Variants in MLXIP observed in about 807,000 individuals in gnomAD.
MLXIP encodes MLX-interacting protein.
Under a neutral mutation model 87.2 loss-of-function variants are expected in MLXIP, and 30 were observed. The observed-to-expected ratio is 0.34, with a 90% CI of 0.26 to 0.47. The LOEUF is 0.47. Among genes scored for constraint, MLXIP ranks in the 20% least tolerant of loss-of-function variants. The pLI, the probability that MLXIP is intolerant of heterozygous loss-of-function variation, is 1.00. For missense variants in MLXIP, 1,002 were observed against 1,240.1 expected (o/e 0.81, Z 2.88); for synonymous variants, 530 against 514.0 (o/e 1.03, Z -0.42).
chr12:122,127,922 C>T lies in MLXIP; in HGVS notation c.560C>T (p.Thr187Ile). Residue 187 changes from threonine to isoleucine, a missense_variant, in exon 3 of 17, where the codon ACA becomes ATA. Physicochemically the swap from Thr to Ile is moderately conservative, Grantham distance 89. This residue lies in a region of MLXIP where 127 missense variants were observed against 239.0 expected (regional missense o/e 0.53). Coordinates refer to ENST00000319080, the MANE Select transcript of MLXIP (RefSeq NM_014938.6). ...AAGAATCCTGTGTGCCACTTTGTGA[C>T]ACCCCTGGACGGCTCTGTGGACGTA... ...KRKNPVCHFV[T>I]PLDGSVDVDE... is the part of the protein sequence containing the mutation. 6.2e-7 allele frequency: 1 copy of T among 1,613,886 alleles called. No homozygotes were observed. Among genetic ancestry groups the T allele is most frequent in the Non-Finnish European group, 8.5e-7 (1 of 1,179,808 alleles).
In MLXIP at chr12:122,130,787, G is replaced by A. The variant is rs182524776; in HGVS notation, c.911-57G>A. On this transcript the variant is annotated intron_variant, in intron 6 of 16. Coordinates refer to ENST00000319080, the MANE Select transcript of MLXIP (RefSeq NM_014938.6). ...AAGTTCTGTTCCAGGCCTTTTTTAC[G>A]TTCCTGCAACATTGTCTGAGAAGAC... 9.5e-4 allele frequency: 1,206 copies of A among 1,272,432 alleles called. 1 individual carries two copies. Among genetic ancestry groups the A allele is most frequent in the Non-Finnish European group, 1.2e-3 (1,031 of 869,052 alleles). 78.8% of individuals were successfully genotyped at this position (1,272,432 alleles called of 1,614,324 possible).
At chr12:122,121,443 T>G (rs1000167048) in intron 1 of MLXIP, among the ~76,000 whole-genome samples, 13 of 151,684 alleles carry the variant, frequency 8.6e-5, no homozygotes, top group Admixed American at 7.9e-4. Flanking sequence ...AATTTTTGTA[T>G]TTTTAGTAGA....
Position 122,137,502 on chromosome 12 carries a change from C to G in MLXIP, c.2066C>G (p.Pro689Arg), listed in dbSNP as rs747511579. 11 of 1,613,860 alleles carry G rather than the reference C, an allele frequency of 6.8e-6. No individual in the cohort carries two copies. The highest frequency in any genetic ancestry group is 6.7e-5 in the East Asian group (3 of 44,896). Residue 689 changes from proline (P) to arginine (R), a missense_variant, in exon 12 of 17, where the codon CCG becomes CGG. Around this residue, in one of 3 missense-constraint regions of MLXIP, gnomAD observed 746 missense variants for 897.0 expected, o/e 0.83. Coordinates refer to ENST00000319080, the MANE Select transcript of MLXIP (RefSeq NM_014938.6). This position sits in a 1 kb window ranked among gnomAD's most constrained non-coding sequence, Gnocchi z 4.1. The part of the protein sequence containing the change: ...RDCPNSGQAS[P>R]CASEQSPSPQ... ...TGCCCAAACTCAGGGCAGGCCTCTCCGTGTGCATCGGAGCAGAGCCCCAGT... is the reference window on the plus strand; with the variant it reads ...TGCCCAAACTCAGGGCAGGCCTCTCGGTGTGCATCGGAGCAGAGCCCCAGT...
intron 1 of MLXIP, among the ~76,000 whole-genome samples, chr12:122,103,268 A>T (rs934782836): frequency 3.3e-5 from 5 of 151,900 alleles, no homozygotes; most frequent in African/African-American, 1.2e-4. Flanking sequence ...TCTTCTACCC[A>T]GGCTGGAGTG....
chr12:122,128,999 A>AGT (rs1237396493), intron 3 of MLXIP, 138 bp from the exon 4 acceptor site: 1 of 674,074 alleles, frequency 1.5e-6, no homozygotes, highest in African/African-American at 1.8e-5. Flanking sequence ...GTACTTTCTG[A>AGT]GTGATGTGGT....
Position 122,078,906 on chromosome 12 carries a change from G to T in MLXIP, c.53G>T (p.Arg18Leu), listed in dbSNP as rs1336476548. The T allele has an allele frequency of 8.7e-7, 1 of 1,144,648 alleles. No individual in the cohort carries two copies. Among genetic ancestry groups the T allele is most frequent in the Middle Eastern group, 3.6e-4 (1 of 2,772 alleles). The allele number at this position is 1,144,648 out of a possible 1,614,324, so 70.9% of individuals were successfully genotyped here. A position where few individuals can be genotyped will look rare whatever the true frequency, so the allele number is the denominator to read the frequency against. The change falls in exon 1 of 17, where the codon CGC becomes CTC. Residue 18 changes from arginine (R) to leucine (L), a missense_variant. Arg to Leu is a moderately radical substitution (Grantham distance 102, BLOSUM62 -2). Around this residue, in one of 3 missense-constraint regions of MLXIP, gnomAD observed 129 missense variants for 104.2 expected, o/e 1.24. Transcript: ENST00000319080. ...CSPRRPRSRG[R>L]QVLLKPQVSE... Reference sequence around the variant, plus strand: ...CCGCGCCGGCCTCGCAGCCGGGGCCGCCAGGTGCTGCTCAAGCCCCAGGTG... The same window carrying T: ...CCGCGCCGGCCTCGCAGCCGGGGCCTCCAGGTGCTGCTCAAGCCCCAGGTG...
At chr12:122,128,845 TC>T (rs1400028611) in intron 3 of MLXIP, 18 of 331,190 alleles carry the variant, frequency 5.4e-5, no homozygotes, top group Middle Eastern at 8.8e-4. Flanking sequence ...CCCTGCTTCT[TC>T]CTCTGTGGAG....
chr12:122,111,888 G>A (rs562534656), intron 1 of MLXIP, among the ~76,000 whole-genome samples: 3 of 152,294 alleles, frequency 2.0e-5, no homozygotes, highest in African/African-American at 7.2e-5. Context: ...CCAATTTGAA[G>A]TGGGGTGCTG....
chr12:122,131,912 CTTTTTTTTTTT>C (rs60691591), intron 7 of MLXIP, among the ~76,000 whole-genome samples: 2 of 73,992 alleles, frequency 2.7e-5, no homozygotes, highest in Non-Finnish European at 4.9e-5. Flanking sequence ...TGGTTGGCAC[CTTTTTTTTTTT>C]TTTTTTTTTT....
intron 15 of MLXIP, among the ~76,000 whole-genome samples, chr12:122,139,220 G>T (rs1054112035): frequency 6.6e-6 from 1 of 152,184 alleles, no homozygotes; most frequent in African/African-American, 2.4e-5. Context: ...GACAATGCTA[G>T]AGCCACTTGC....
In MLXIP at chr12:122,135,326, C is replaced by T. The variant is rs766603455; in HGVS notation, c.1835C>T (p.Ala612Val). 1.5e-5 allele frequency: 25 copies of T among 1,613,370 alleles called. No individual in the cohort carries two copies. Among genetic ancestry groups the T allele is most frequent in the East Asian group, 1.1e-4 (5 of 44,870 alleles). Residue 612 changes from alanine to valine, a missense_variant, in exon 10 of 17, where the codon GCG becomes GTG. By Grantham distance (64) the Ala-to-Val change is moderately conservative. Transcript: ENST00000319080. This position sits in a 1 kb window ranked among gnomAD's most constrained non-coding sequence, Gnocchi z 5.3. The stretch of plus-strand genomic sequence containing the variant: ...GTGTCCCAGTCCAACGTGGTCATTG[C>T]GCCTGCTGCCATCGCCAGGGTGAGG... ...STVSQSNVVI[A>V]PAAIARAPGV...
intron 1 of MLXIP, among the ~76,000 whole-genome samples, chr12:122,079,848 T>G (rs1250869909): frequency 6.6e-6 from 1 of 152,192 alleles, no homozygotes; most frequent in African/African-American, 2.4e-5. Flanking sequence ...CTGGCCCCCT[T>G]ACAACCTCAT....
intron 1 of MLXIP, among the ~76,000 whole-genome samples, chr12:122,079,654 G>C (rs1408504853): frequency 1.3e-5 from 2 of 152,202 alleles, no homozygotes; most frequent in African/African-American, 2.4e-5. Context: ...CCACCTGTTC[G>C]GGGTGACTGG....
chr12:122,115,588 C>CAAAAAAAAAA lies in MLXIP; in HGVS notation c.414-11660_414-11651dup, dbSNP rs35318582. The stretch of plus-strand genomic sequence containing the variant: ...GGGCAACAAGAGCGAAACTCCTTCT[C>CAAAAAAAAAA]AAAAAAAAAAAAAAAAAGACCAGTA... On this transcript the variant is annotated intron_variant, in intron 1 of 16. Coordinates refer to ENST00000319080, the MANE Select transcript of MLXIP (RefSeq NM_014938.6). Among the ~76,000 whole-genome samples the CAAAAAAAAAA allele has an allele frequency of 4.3e-3, 478 of 110,620 alleles. 56 individuals are homozygous for CAAAAAAAAAA. Among genetic ancestry groups the CAAAAAAAAAA allele is most frequent in the African/African-American group, 0.019 (457 of 23,780 alleles). The allele number at this position is 110,620 out of a possible 152,430, so 72.6% of individuals were successfully genotyped here. A position where few individuals can be genotyped will look rare whatever the true frequency, so the allele number is the denominator to read the frequency against.
At chr12:122,134,315 C>A in intron 9 of MLXIP, 1 of 355,076 alleles carries the variant, frequency 2.8e-6, no homozygotes, top group South Asian at 4.3e-5. Context: ...CTTCGTCAGC[C>A]TCCCGAGTAG....
At chr12:122,118,357 A>C (rs1952724699) in intron 1 of MLXIP, among the ~76,000 whole-genome samples, 1 of 152,238 alleles carries the variant, frequency 6.6e-6, no homozygotes, top group Admixed American at 6.5e-5. Flanking sequence ...AATGCCGTAC[A>C]TTCCAGTGTT....
chr12:122,128,758 AT>A, intron 3 of MLXIP: 1 of 184,128 alleles, frequency 5.4e-6, no homozygotes, highest in Non-Finnish European at 1.1e-5. Flanking sequence ...TTGGCTGTTC[AT>A]TTTTGCCCTT....
intron 1 of MLXIP, among the ~76,000 whole-genome samples, chr12:122,119,123 G>A (rs901585471): frequency 1.3e-5 from 2 of 151,742 alleles, no homozygotes; most frequent in Non-Finnish European, 2.9e-5. Context: ...AGCCGAGATC[G>A]CGCCACTACA....
At chr12:122,124,833 C>CGTGAGGT (rs1227495506) in intron 1 of MLXIP, among the ~76,000 whole-genome samples, 5 of 152,122 alleles carry the variant, frequency 3.3e-5, no homozygotes, top group Admixed American at 3.3e-4. Flanking sequence ...GGGTTCAAAA[C>CGTGAGGT]CAGCCTGACG....
Sources: gnomAD v4.1 joint callset for allele counts (sites outside exome capture counted in the v4.1 genomes callset) on GRCh38, gnomAD v4.1.1 for gene constraint, gnomAD v4.1.1 regional missense constraint, Gnocchi (gnomAD v3.1) non-coding constraint, MANE v1.5 for transcripts, NCBI Gene and HGNC (gene_info 2026-07-23, HGNC 2026-07-21) for gene names.